RPA3: variants seen among roughly 807,000 people sequenced by gnomAD.
RPA3 encodes the protein replication protein A 14 kDa subunit.
In RPA3, 24 loss-of-function variants were observed where a neutral mutation model predicts 13.7. The observed-to-expected ratio is 1.75, with a 90% confidence interval of 1.27 to 2.46. The LOEUF (loss-of-function observed/expected upper bound fraction) is 2.46. Ranked by LOEUF, RPA3 falls within the 30% of genes most tolerant of loss-of-function variation. The pLI is 0.00. For synonymous variants in RPA3, 59 were observed against 51.2 expected (o/e 1.15, Z -0.65); for missense variants, 183 against 151.0 (o/e 1.21, Z -1.11).
intron 2 of RPA3, among the ~76,000 whole-genome samples, chr7:7,700,869 C>A (rs1477222414): frequency 2.0e-5 from 3 of 151,750 alleles, no homozygotes; most frequent in African/African-American, 4.9e-5. Context: ...GCCTGGGTAA[C>A]AAGAGCGAGA....
At chr7:7,701,426 A>G (rs1357975221) in intron 2 of RPA3, among the ~76,000 whole-genome samples, 1 of 152,192 alleles carries the variant, frequency 6.6e-6, no homozygotes, top group Non-Finnish European at 1.5e-5. Context: ...AATTAGTAAT[A>G]CTGGAACTGT....
intron 7 of RPA3, 52 bp from the exon 8 acceptor site, chr7:7,637,134 T>A (rs1380838319): frequency 1.7e-6 from 2 of 1,192,602 alleles, no homozygotes; most frequent in Non-Finnish European, 2.5e-6. Context: ...AGTTGTAACA[T>A]CAATTATTAT....
chr7:7,663,382 C>G (rs59631588), intron 4 of RPA3, among the ~76,000 whole-genome samples: 42,845 of 151,868 alleles, frequency 0.28, 7,697 homozygotes, highest in East Asian at 0.7. Context: ...AGTTTCCAAG[C>G]TGTTCTGTGG....
chr7:7,709,200 G>C (rs1780686636), intron 2 of RPA3, among the ~76,000 whole-genome samples: 1 of 152,170 alleles, frequency 6.6e-6, no homozygotes, highest in Non-Finnish European at 1.5e-5. Context: ...TCCTATCTGT[G>C]TGCTGAGATT....
intron 4 of RPA3, among the ~76,000 whole-genome samples, chr7:7,661,120 G>T (rs1785464887): frequency 6.6e-6 from 1 of 151,852 alleles, no homozygotes; most frequent in African/African-American, 2.4e-5. Context: ...ATTGATACTT[G>T]TGTATGCTTC....
chr7:7,648,562 A>G (rs1325595696), intron 4 of RPA3, among the ~76,000 whole-genome samples: 1 of 152,202 alleles, frequency 6.6e-6, no homozygotes, highest in African/African-American at 2.4e-5. Flanking sequence ...TATAAAGAAA[A>G]TAAAATTGGC....
chr7:7,712,290 A>G (rs1475397572), intron 2 of RPA3, among the ~76,000 whole-genome samples: 1 of 152,154 alleles, frequency 6.6e-6, no homozygotes, highest in Non-Finnish European at 1.5e-5. Context: ...TTGAACATAT[A>G]GATTAATTTA....
chr7:7,683,948 A>G (rs554544644), intron 4 of RPA3, among the ~76,000 whole-genome samples: 4 of 152,188 alleles, frequency 2.6e-5, no homozygotes, highest in Admixed American at 2.6e-4. Context: ...TGAGTAATAT[A>G]CAGTTTTCCC....
chr7:7,703,939 T>C (rs1391392491), intron 2 of RPA3, among the ~76,000 whole-genome samples: 1 of 151,590 alleles, frequency 6.6e-6, no homozygotes, highest in Non-Finnish European at 1.5e-5. Context: ...ACCTGTCTCT[T>C]AACAAAGGAA....
intron 2 of RPA3, among the ~76,000 whole-genome samples, chr7:7,703,754 A>G (rs1780525311): frequency 6.6e-6 from 1 of 152,178 alleles, no homozygotes; most frequent in Non-Finnish European, 1.5e-5. Flanking sequence ...AGCCTGGGCA[A>G]CGTGGCGAAA....
intron 4 of RPA3, among the ~76,000 whole-genome samples, chr7:7,670,129 A>G (rs28916004): frequency 3.3e-4 from 50 of 152,324 alleles, no homozygotes; most frequent in African/African-American, 1.2e-3. Context: ...GGTTAAAAAC[A>G]GGTTGTTTGT....
At chr7:7,709,992 G>A (rs190153713) in intron 2 of RPA3, among the ~76,000 whole-genome samples, 4 of 152,030 alleles carry the variant, frequency 2.6e-5, no homozygotes, top group African/African-American at 9.7e-5. Flanking sequence ...TTTCATATGT[G>A]TAGTTTTGTA....
rs749355782 is a variant in RPA3 at position 7,637,010 on chromosome 7, T to C, written c.356A>G (p.Gln119Arg). 4 of 1,609,326 alleles carry C rather than the reference T, an allele frequency of 2.5e-6. No homozygotes were observed. In the Admixed American group the frequency reaches 5.0e-5, roughly 20 times the overall value. ...GAAAATCCATCAAGATCAATCATGT[T>C]GCACAATCCCTAAAGGATAAAACTG... The part of the protein sequence containing the change: ...FPQFYPLGIV[Q>R]HD The change falls in exon 8 of 8, where the codon CAA becomes CGA. Residue 119 changes from glutamine to arginine, a missense_variant. Transcript: ENST00000223129.
chr7:7,643,735 GAAAAAAA>G (rs869238725), intron 4 of RPA3, among the ~76,000 whole-genome samples: 6 of 5,770 alleles, frequency 1.0e-3, no homozygotes, highest in East Asian at 9.8e-3. Flanking sequence ...ACAAACAAAC[GAAAAAAA>G]AAGGATCAAC....
At chr7:7,669,180 T>C (rs867676643) in intron 4 of RPA3, among the ~76,000 whole-genome samples, 2 of 152,256 alleles carry the variant, frequency 1.3e-5, no homozygotes, top group Middle Eastern at 6.8e-3. Context: ...GGTTTAGTAC[T>C]ATTGTTGGTT....
intron 4 of RPA3, among the ~76,000 whole-genome samples, chr7:7,668,165 G>C (rs749457096): frequency 1.7e-4 from 26 of 151,808 alleles, no homozygotes; most frequent in Non-Finnish European, 3.5e-4. Flanking sequence ...TGCCTGCCTC[G>C]GTCTCCCAAA....
intron 2 of RPA3, among the ~76,000 whole-genome samples, chr7:7,704,772 A>G (rs1218169818): frequency 6.8e-6 from 1 of 147,958 alleles, no homozygotes; most frequent in Admixed American, 6.7e-5. Flanking sequence ...ATCTCAAAAA[A>G]AAAAAAAAAA....
intron 4 of RPA3, among the ~76,000 whole-genome samples, chr7:7,650,177 T>C (rs1051286656): frequency 5.3e-5 from 8 of 152,246 alleles, no homozygotes; most frequent in Non-Finnish European, 8.8e-5. Context: ...TTTAGTTCTG[T>C]TTTGATTTCT....
In RPA3 at chr7:7,640,668, A is replaced by G. The variant is rs1230394335; in HGVS notation, c.-250T>C. ...CGCGGCGTCCCGGAAGTTGACAGAT[A>G]CAGGGCGAGAGGCAGTGGAGGCGGG... On this transcript the variant is annotated 5_prime_UTR_variant, in exon 5 of 8. Coordinates refer to ENST00000223129, the MANE Select transcript of RPA3 (RefSeq NM_002947.5). 2 of 511,234 alleles carry G rather than the reference A, an allele frequency of 3.9e-6. No homozygotes were observed. The highest frequency in any genetic ancestry group is 7.0e-6 in the Non-Finnish European group (2 of 285,306). The allele number at this position is 511,234 out of a possible 1,614,324, so 31.7% of individuals were successfully genotyped here.
Sources: allele counts gnomAD v4.1 joint callset (sites outside exome capture counted in the v4.1 genomes callset), GRCh38; gene constraint gnomAD v4.1.1; transcripts MANE v1.5; gene names NCBI Gene and HGNC (gene_info 2026-07-23, HGNC 2026-07-21).